The following SLC12A6 variants were observed in gnomAD, a reference collection of about 807,000 sequenced individuals.
The protein encoded by SLC12A6 is solute carrier family 12 member 6.
In SLC12A6, 66 loss-of-function variants were observed where a neutral mutation model predicts 135.3. That is an observed-to-expected ratio of 0.49 (90% CI 0.40 to 0.60). The LOEUF (loss-of-function observed/expected upper bound fraction) is 0.60, where lower values mean the gene tolerates loss of function less well. Ranked by LOEUF, SLC12A6 falls within the 20% of genes least tolerant of loss-of-function variation. SLC12A6 has a pLI of 0.00. For missense variants in SLC12A6, 1,058 were observed against 1,452.3 expected (o/e 0.73, Z 4.41); for synonymous variants, 513 against 508.8 (o/e 1.01, Z -0.11).
At chr15:34,294,374 A>G (rs942012886) in intron 2 of SLC12A6, among the ~76,000 whole-genome samples, 6 of 152,068 alleles carry the variant, frequency 3.9e-5, no homozygotes, top group African/African-American at 1.4e-4. Flanking sequence ...GTGGGATCAC[A>G]GGCACTCACC....
At position 34,254,363 on chromosome 15, in the gene SLC12A6, G is replaced by C; in HGVS notation, c.1103C>G (p.Ala368Gly). Residue 368 changes from alanine (A) to glycine (G), a missense_variant, in exon 9 of 26, where the codon GCT becomes GGT. Transcript: ENST00000354181. ...AGACACGTACGGGAAGTGTGGAGGA[G>C]CAAAAGAAGACTTGATGGCTCCAGC... ...IYAGAIKSSF[A>G]PPHFPVCMLG... The C allele has an allele frequency of 6.2e-7, 1 of 1,613,698 alleles. No individual in the cohort carries two copies. Among genetic ancestry groups the C allele is most frequent in the Non-Finnish European group, 8.5e-7 (1 of 1,179,622 alleles).
intron 2 of SLC12A6, among the ~76,000 whole-genome samples, chr15:34,335,933 G>T (rs1468827465): frequency 6.6e-6 from 1 of 152,244 alleles, no homozygotes; most frequent in Non-Finnish European, 1.5e-5. Flanking sequence ...TTTCAAAAAA[G>T]AATTTTGCAA....
chr15:34,337,021 T>C (rs1310647598), intron 1 of SLC12A6: 2 of 371,398 alleles, frequency 5.4e-6, no homozygotes, highest in Non-Finnish European at 1.0e-5. Flanking sequence ...CTCAGTGCCA[T>C]GGTCTCAGGG....
At position 34,252,303 on chromosome 15, in the gene SLC12A6, T is replaced by C; in HGVS notation, c.1200A>G (p.Thr400=). The change falls in exon 10 of 26, where the codon ACA becomes ACG. Residue 400 remains threonine (T), a synonymous_variant. Coordinates refer to ENST00000354181, the MANE Select transcript of SLC12A6 (RefSeq NM_001365088.1). ...CSKTKEINNM[T]VPSKLWGFFC... The stretch of plus-strand genomic sequence containing the variant: ...AGAATCCCCATAACTTTGATGGGAC[T>C]GTCATGTTGTTAATTTCCTTGGTCT... The C allele has an allele frequency of 1.9e-6, 3 of 1,611,402 alleles. No homozygotes were observed. In the South Asian group the frequency reaches 3.3e-5, roughly 18 times the overall value.
At chr15:34,334,688 T>G (rs1890085793) in intron 2 of SLC12A6, among the ~76,000 whole-genome samples, 1 of 152,222 alleles carries the variant, frequency 6.6e-6, no homozygotes, top group African/African-American at 2.4e-5. Context: ...GGAGAATATT[T>G]AAACATTAAG....
chr15:34,239,543 T>C (rs1891500452), intron 19 of SLC12A6, among the ~76,000 whole-genome samples: 1 of 152,208 alleles, frequency 6.6e-6, no homozygotes, highest in Non-Finnish European at 1.5e-5. Context: ...TCAGCCCCAG[T>C]CATGCCCTGA....
intron 13 of SLC12A6, among the ~76,000 whole-genome samples, chr15:34,248,706 T>TA (rs1892177649): frequency 6.6e-6 from 1 of 152,108 alleles, no homozygotes; most frequent in Non-Finnish European, 1.5e-5. Flanking sequence ...GGGAGAGTAA[T>TA]ATGAAAACAA....
At position 34,235,136 on chromosome 15, in the gene SLC12A6, T is replaced by A. The variant is rs751908075; in HGVS notation, c.3361+45A>T. On this transcript the variant is annotated intron_variant, in intron 25 of 25. Transcript: ENST00000354181. ...TTACCTAGTTATCTCAGAAAGAGGT[T>A]AAGGAGATTTTCCCTACTGGAAGCC... is the stretch of plus-strand genomic sequence containing the variant. 9 of 1,565,396 alleles carry A rather than the reference T, an allele frequency of 5.7e-6. No individual in the cohort carries two copies. The South Asian group carries it at 1.0e-4, about 17-fold the overall frequency.
At chr15:34,253,076 A>C (rs1377015816) in intron 9 of SLC12A6, among the ~76,000 whole-genome samples, 5 of 152,196 alleles carry the variant, frequency 3.3e-5, no homozygotes, top group Non-Finnish European at 7.3e-5. Context: ...TTTTTCTTTA[A>C]CCCAGAGACA....
chr15:34,332,440 C>T (rs1293428765), intron 2 of SLC12A6, among the ~76,000 whole-genome samples: 1 of 152,196 alleles, frequency 6.6e-6, no homozygotes, highest in African/African-American at 2.4e-5. Flanking sequence ...CTGCCTCATA[C>T]ATACCAGCGT....
In SLC12A6 at chr15:34,241,239, T is replaced by C. The variant is rs1178866244; in HGVS notation, c.2261A>G (p.Asn754Ser). ...RLEEGPPHTK[N>S]WRPQLLVLLK... ...CTAGTGTTGATTTCTTTACCTCCAG[T>C]TTTTAGTGTGTGGAGGTCCTTCCTC... Residue 754 changes from asparagine to serine, a missense_variant, in exon 18 of 26, where the codon AAC becomes AGC. Around this residue, in one of 6 missense-constraint regions of SLC12A6, gnomAD observed 170 missense variants for 297.6 expected, o/e 0.57. Coordinates refer to ENST00000354181, the MANE Select transcript of SLC12A6 (RefSeq NM_001365088.1). 6.4e-7 allele frequency: 1 copy of C among 1,555,298 alleles called. No individual in the cohort carries two copies. Among genetic ancestry groups the C allele is most frequent in the African/African-American group, 1.4e-5 (1 of 73,852 alleles).
At chr15:34,237,865 A>G (rs1170597114) in intron 21 of SLC12A6, among the ~76,000 whole-genome samples, 1 of 152,208 alleles carries the variant, frequency 6.6e-6, no homozygotes, top group East Asian at 1.9e-4. Context: ...TATATTTACT[A>G]TTTTAAATCT....
At chr15:34,297,511 A>C (rs1334533527) in intron 2 of SLC12A6, among the ~76,000 whole-genome samples, 1 of 152,206 alleles carries the variant, frequency 6.6e-6, no homozygotes, top group Non-Finnish European at 1.5e-5. Context: ...AGAAAGCTGA[A>C]ATGATTTGCC....
chr15:34,274,115 C>T (rs191692087), intron 3 of SLC12A6, among the ~76,000 whole-genome samples: 22 of 152,238 alleles, frequency 1.4e-4, no homozygotes, highest in Admixed American at 1.2e-3. Flanking sequence ...AATACATGCT[C>T]ATGAGTAGGA....
At chr15:34,281,968 G>A (rs1595491614) in intron 2 of SLC12A6, among the ~76,000 whole-genome samples, 1 of 151,674 alleles carries the variant, frequency 6.6e-6, no homozygotes, top group Non-Finnish European at 1.5e-5. Context: ...GTTTAAAAAA[G>A]ATATATAGAG....
At chr15:34,326,742 A>G (rs1439249490) in intron 2 of SLC12A6, among the ~76,000 whole-genome samples, 4 of 146,806 alleles carry the variant, frequency 2.7e-5, no homozygotes, top group Non-Finnish European at 6.0e-5. Flanking sequence ...CCCAGGCTGG[A>G]GTGCAGTGGC....
chr15:34,243,044 C>G (rs112814759), intron 16 of SLC12A6, among the ~76,000 whole-genome samples: 16,710 of 152,092 alleles, frequency 0.11, 1,008 homozygotes, highest in East Asian at 0.27. Context: ...CAGGCATGTG[C>G]CACCATGCCC....
rs565488524 is a variant in SLC12A6, at chr15:34,261,054, C to T, written c.317-34G>A. 1.5e-4 allele frequency: 163 copies of T among 1,099,338 alleles called. 1 individual carries two copies. The South Asian group carries it at 2.0e-3, about 13-fold the overall frequency. The allele number at this position is 1,099,338 out of a possible 1,614,324, so 68.1% of individuals were successfully genotyped here. A position where few individuals can be genotyped will look rare whatever the true frequency, so the allele number is the denominator to read the frequency against. ...AAAAAAGTAGACCAAGTTAGTTTCTCACTGGTTTCTGACGAAGAAACATCA... is the reference window on the plus strand; with the variant it reads ...AAAAAAGTAGACCAAGTTAGTTTCTTACTGGTTTCTGACGAAGAAACATCA... On this transcript the variant is annotated intron_variant, in intron 3 of 25. Transcript: ENST00000354181.
At chr15:34,293,301 TTTAA>T (rs1241812876) in intron 2 of SLC12A6, among the ~76,000 whole-genome samples, 1 of 152,204 alleles carries the variant, frequency 6.6e-6, no homozygotes. Flanking sequence ...TTTTATTTTA[TTTAA>T]TTAATTAATT....
Sources: gnomAD v4.1 joint callset for allele counts (sites outside exome capture counted in the v4.1 genomes callset) on GRCh38, gnomAD v4.1.1 for gene constraint, gnomAD v4.1.1 regional missense constraint, MANE v1.5 for transcripts, NCBI Gene and HGNC (gene_info 2026-07-23, HGNC 2026-07-21) for gene names.